FIGN: variants seen among roughly 807,000 people sequenced by gnomAD.
The protein encoded by FIGN is fidgetin, microtubule severing factor.
FIGN carries 11 observed loss-of-function variants against 51.3 expected under a neutral mutation model. The observed-to-expected ratio is 0.21, with a 90% CI of 0.13 to 0.35. FIGN has a LOEUF of 0.35. Ranked by LOEUF, FIGN falls within the 10% of genes least tolerant of loss-of-function variation. FIGN has a pLI of 1.00. For missense variants in FIGN, 857 were observed against 943.6 expected (o/e 0.91, Z 1.20); for synonymous variants, 407 against 363.2 (o/e 1.12, Z -1.37).
At chr2:163,666,084 G>C (rs530446800) in intron 2 of FIGN, among the ~76,000 whole-genome samples, 2 of 152,304 alleles carry the variant, frequency 1.3e-5, no homozygotes, top group Admixed American at 1.3e-4. Flanking sequence ...CAGAGCTGAA[G>C]TTGACCCTCT....
At chr2:163,691,821 T>C (rs1684244251) in intron 2 of FIGN, among the ~76,000 whole-genome samples, 1 of 152,140 alleles carries the variant, frequency 6.6e-6, no homozygotes, top group Non-Finnish European at 1.5e-5. Flanking sequence ...AAATATGTGC[T>C]ATAACCAGGG....
intron 2 of FIGN, among the ~76,000 whole-genome samples, chr2:163,674,258 G>A (rs1462028305): frequency 6.6e-6 from 1 of 152,122 alleles, no homozygotes; most frequent in African/African-American, 2.4e-5. Context: ...CCAGCTGAAT[G>A]TGCGTGTGTG....
Position 163,638,262 on chromosome 2 carries a change from A to T in FIGN, c.26-26456T>A, listed in dbSNP as rs77428940. On this transcript the variant is annotated intron_variant, in intron 2 of 2. Transcript: ENST00000333129. ...AATCTTTAAAAGATCAAGACAGAGAATGAGAAAGTAAAAACACAAGCAGAA... is the reference window on the plus strand; with the variant it reads ...AATCTTTAAAAGATCAAGACAGAGATTGAGAAAGTAAAAACACAAGCAGAA... Among the ~76,000 whole-genome samples the T allele has an allele frequency of 9.6e-3, 1,458 of 151,980 alleles. 25 individuals carry two copies. Among genetic ancestry groups the T allele is most frequent in the African/African-American group, 0.033 (1,360 of 41,488 alleles).
At chr2:163,628,004 G>A (rs1280227421) in intron 2 of FIGN, among the ~76,000 whole-genome samples, 2 of 152,112 alleles carry the variant, frequency 1.3e-5, no homozygotes, top group Non-Finnish European at 2.9e-5. Flanking sequence ...CACTGCCCTC[G>A]ACTCTCTGAA....
chr2:163,612,676 G>T (rs12692701), intron 2 of FIGN: 546,924 of 914,732 alleles, frequency 0.6, 170,097 homozygotes, highest in Non-Finnish European at 0.64. Flanking sequence ...AGCCTGCAAG[G>T]TACTAAGAGG....
At chr2:163,727,709 CAGAGTCATCTGATGTG>C (rs1559034644) in intron 2 of FIGN, among the ~76,000 whole-genome samples, 1 of 152,164 alleles carries the variant, frequency 6.6e-6, no homozygotes, top group Non-Finnish European at 1.5e-5. Flanking sequence ...CCCTTCCTGG[CAGAGTCATCTGATGTG>C]AGAAATATCT....
At chr2:163,690,605 C>T (rs2105345017) in intron 2 of FIGN, among the ~76,000 whole-genome samples, 1 of 152,024 alleles carries the variant, frequency 6.6e-6, no homozygotes, top group Non-Finnish European at 1.5e-5. Flanking sequence ...GGCAACAGTA[C>T]AGAACACATT....
intron 2 of FIGN, among the ~76,000 whole-genome samples, chr2:163,664,214 C>T (rs559971029): frequency 2.6e-5 from 4 of 152,120 alleles, no homozygotes; most frequent in Admixed American, 2.0e-4. Context: ...TCCCTCCTAC[C>T]CCCCTTTAAA....
At chr2:163,644,955 A>T (rs1683359882) in intron 2 of FIGN, among the ~76,000 whole-genome samples, 1 of 152,184 alleles carries the variant, frequency 6.6e-6, no homozygotes, top group Admixed American at 6.5e-5. Flanking sequence ...GATCAGAGCT[A>T]AAGGGTACAG....
In FIGN at chr2:163,609,816, A is replaced by C. The variant is rs1296390139; in HGVS notation, c.2016T>G (p.Cys672Trp). ...IVQLLSQHNY[C>W]LNDKEFALLV... ...GCAGTGCAAACTCCTTGTCATTGAG[A>C]CAGTAATTGTGCTGTGAGAGCAGTT... Residue 672 changes from cysteine (C) to tryptophan (W), a missense_variant, in exon 3 of 3, where the codon TGT becomes TGG. Cys to Trp is a radical substitution (Grantham distance 215). Around this residue, in one of 3 missense-constraint regions of FIGN, gnomAD observed 799 missense variants for 849.5 expected, o/e 0.94. Transcript: ENST00000333129. 6.2e-7 allele frequency: 1 copy of C among 1,614,014 alleles called. No individual in the cohort carries two copies. Among genetic ancestry groups the C allele is most frequent in the African/African-American group, 1.3e-5 (1 of 74,918 alleles).
rs189875717 is a variant in FIGN, at chr2:163,640,293, A to G, written c.26-28487T>C. On this transcript the variant is annotated intron_variant, in intron 2 of 2. Coordinates refer to ENST00000333129, the MANE Select transcript of FIGN (RefSeq NM_018086.4). ...CTTAAGAACATTTTCATGTTTATGTAACAAAAATAGAAGAATCAGAAGATA... is the reference window on the plus strand; with the variant it reads ...CTTAAGAACATTTTCATGTTTATGTGACAAAAATAGAAGAATCAGAAGATA... 7.9e-5 allele frequency among the ~76,000 whole-genome samples: 12 copies of G among 152,320 alleles called. No individual in the cohort carries two copies. The East Asian group carries it at 1.9e-3, about 24-fold the overall frequency.
chr2:163,613,272 CT>C (rs1682801792), intron 2 of FIGN, among the ~76,000 whole-genome samples: 2 of 151,974 alleles, frequency 1.3e-5, no homozygotes, highest in Non-Finnish European at 2.9e-5. Flanking sequence ...TCTCCTTCAT[CT>C]TTTTTGTATT....
intron 2 of FIGN, among the ~76,000 whole-genome samples, chr2:163,613,693 T>A (rs1682819637): frequency 6.6e-6 from 1 of 152,240 alleles, no homozygotes. Flanking sequence ...ACTGCTGTCA[T>A]GCTTCCGACT....
intron 2 of FIGN, among the ~76,000 whole-genome samples, chr2:163,638,565 A>C (rs1683260942): frequency 6.6e-6 from 1 of 152,176 alleles, no homozygotes; most frequent in African/African-American, 2.4e-5. Context: ...ATTAGAATGA[A>C]AGCATACACA....
At chr2:163,703,311 T>C (rs1187706795) in intron 2 of FIGN, among the ~76,000 whole-genome samples, 4 of 152,112 alleles carry the variant, frequency 2.6e-5, no homozygotes, top group Non-Finnish European at 2.9e-5. Flanking sequence ...ACTGAAACTG[T>C]GCAACTGAAT....
intron 2 of FIGN, among the ~76,000 whole-genome samples, chr2:163,707,241 C>T (rs1024746071): frequency 5.9e-5 from 9 of 151,878 alleles, no homozygotes; most frequent in Admixed American, 2.0e-4. Context: ...CCCAGCTACT[C>T]GGGAGGCTGA....
intron 2 of FIGN, among the ~76,000 whole-genome samples, chr2:163,683,234 G>T (rs1253542514): frequency 2.0e-5 from 3 of 152,034 alleles, no homozygotes; most frequent in East Asian, 1.9e-4. Context: ...TCTTCTACTC[G>T]TAAAGTGTTG....
chr2:163,686,725 C>T (rs1427278961), intron 2 of FIGN, among the ~76,000 whole-genome samples: 1 of 151,290 alleles, frequency 6.6e-6, no homozygotes, highest in Non-Finnish European at 1.5e-5. Flanking sequence ...AGCTATTTTC[C>T]CAAATCATAT....
At chr2:163,670,659 T>C (rs1173141971) in intron 2 of FIGN, among the ~76,000 whole-genome samples, 1 of 152,240 alleles carries the variant, frequency 6.6e-6, no homozygotes, top group Non-Finnish European at 1.5e-5. Flanking sequence ...GTATATATTG[T>C]AGAAAGATTT....
Sources: gnomAD v4.1 joint callset for allele counts (sites outside exome capture counted in the v4.1 genomes callset) on GRCh38, gnomAD v4.1.1 for gene constraint, gnomAD v4.1.1 regional missense constraint, MANE v1.5 for transcripts, NCBI Gene and HGNC (gene_info 2026-07-23, HGNC 2026-07-21) for gene names.